WIPI2: variants seen among roughly 807,000 people sequenced by gnomAD.
WIPI2 encodes the protein WD repeat domain, phosphoinositide interacting 2.
In WIPI2, 28 loss-of-function variants were observed where a neutral mutation model predicts 52.3. The observed-to-expected ratio is 0.54, with a 90% CI of 0.40 to 0.73. The LOEUF is 0.73. Ranked by LOEUF, WIPI2 falls within the 30% of genes least tolerant of loss-of-function variation. The pLI, the probability that WIPI2 is intolerant of heterozygous loss-of-function variation, is 0.00. For synonymous variants in WIPI2, 268 were observed against 245.0 expected (o/e 1.09, Z -0.88); for missense variants, 506 against 602.9 (o/e 0.84, Z 1.68).
chr7:5,225,994 G>T, intron 9 of WIPI2, 64 bp downstream of exon 9: 1 of 1,494,858 alleles, frequency 6.7e-7, no homozygotes. Context: ...CTTGCTGCCG[G>T]GATGAGAGGT....
At chr7:5,194,601 A>G (rs1183833878) in intron 2 of WIPI2, among the ~76,000 whole-genome samples, 1 of 152,186 alleles carries the variant, frequency 6.6e-6, no homozygotes, top group Non-Finnish European at 1.5e-5. Context: ...TTAATCAGTA[A>G]AATGTCAAAA....
At chr7:5,208,013 A>G (rs1782375347) in intron 3 of WIPI2, among the ~76,000 whole-genome samples, 2 of 152,122 alleles carry the variant, frequency 1.3e-5, no homozygotes, top group Non-Finnish European at 2.9e-5. Context: ...CGATCCGGCC[A>G]TCTCGACCTC....
Position 5,222,658 on chromosome 7 carries a change from G to A in WIPI2, c.726G>A (p.Arg242=), listed in dbSNP as rs1562404543. ...IPEGQKLFEF[R]RGVKRCVSIC... ...AAGGACAAAAACTCTTTGAGTTTCG[G>A]AGAGGAGTAAAGAGGTAAAGTACGT... The change falls in exon 8 of 13, where the codon CGG becomes CGA. Residue 242 remains arginine, a synonymous_variant. Transcript: ENST00000288828. 2 of 1,614,046 alleles carry A rather than the reference G, an allele frequency of 1.2e-6. No homozygotes were observed. Among genetic ancestry groups the A allele is most frequent in the Non-Finnish European group, 1.7e-6 (2 of 1,179,942 alleles).
chr7:5,203,777 G>A (rs1009032904), intron 3 of WIPI2, among the ~76,000 whole-genome samples: 11 of 147,164 alleles, frequency 7.5e-5, no homozygotes, highest in Non-Finnish European at 1.1e-4. Flanking sequence ...CACCATGCCC[G>A]GCTGATTTTT....
At chr7:5,201,170 GC>G (rs1782010781) in intron 3 of WIPI2, among the ~76,000 whole-genome samples, 1 of 152,210 alleles carries the variant, frequency 6.6e-6, no homozygotes, top group African/African-American at 2.4e-5. Context: ...GTGGAGGGCA[GC>G]CCCGTCTCCA....
At chr7:5,225,070 C>T (rs1347734063) in intron 8 of WIPI2, among the ~76,000 whole-genome samples, 1 of 151,548 alleles carries the variant, frequency 6.6e-6, no homozygotes, top group African/African-American at 2.4e-5. Flanking sequence ...AATTTAGTGG[C>T]TTTGGGATGC....
chr7:5,199,767 C>T, intron 3 of WIPI2, 109 bp downstream of exon 3: 1 of 1,065,804 alleles, frequency 9.4e-7, no homozygotes, highest in Non-Finnish European at 1.3e-6. Flanking sequence ...CAGACACCCT[C>T]TTACCAGTCC....
chr7:5,216,987 T>G, intron 5 of WIPI2, 103 bp from the exon 6 acceptor site: 2 of 1,196,974 alleles, frequency 1.7e-6, no homozygotes. Flanking sequence ...AAGCTATTAT[T>G]TGTTCCTAAT....
At position 5,230,978 on chromosome 7, in the gene WIPI2, A is replaced by G. The variant is rs1783701259; in HGVS notation, c.*31A>G. On this transcript the variant is annotated 3_prime_UTR_variant, in exon 13 of 13. Coordinates refer to ENST00000288828, the MANE Select transcript of WIPI2 (RefSeq NM_015610.4). The surrounding 1 kb of genome is among the most constrained non-coding windows in gnomAD (Gnocchi z 4.8). ...ACCTGTGACCTCTGACCCGGGGAGC[A>G]GAGAACACTGGCTTCACAGAGGACT... 3.2e-6 allele frequency: 5 copies of G among 1,584,416 alleles called. No homozygotes were observed. Among genetic ancestry groups the G allele is most frequent in the South Asian group, 2.3e-5 (2 of 88,040 alleles).
At chr7:5,214,905 C>G (rs1473665842) in intron 4 of WIPI2, among the ~76,000 whole-genome samples, 3 of 152,246 alleles carry the variant, frequency 2.0e-5, no homozygotes, top group African/African-American at 7.2e-5. Flanking sequence ...ACGACAAATG[C>G]CCGGGCCTCT....
At chr7:5,196,664 A>G (rs934078527) in intron 2 of WIPI2, among the ~76,000 whole-genome samples, 2 of 152,138 alleles carry the variant, frequency 1.3e-5, no homozygotes, top group African/African-American at 4.8e-5. Flanking sequence ...AGCCCCCTCG[A>G]AGCTCATTTT....
chr7:5,215,502 C>A (rs926437056), intron 4 of WIPI2, among the ~76,000 whole-genome samples: 13 of 152,240 alleles, frequency 8.5e-5, no homozygotes, highest in Non-Finnish European at 1.5e-4. Context: ...TGCTCACGCC[C>A]AGGGTAACAG....
intron 11 of WIPI2, 143 bp from the exon 12 acceptor site, chr7:5,229,465 A>G: frequency 1.0e-6 from 1 of 963,600 alleles, no homozygotes; most frequent in Non-Finnish European, 1.5e-6. Context: ...AGACGAGATT[A>G]AAGTTGCCAC....
At chr7:5,196,687 A>G (rs1368757394) in intron 2 of WIPI2, among the ~76,000 whole-genome samples, 1 of 152,170 alleles carries the variant, frequency 6.6e-6, no homozygotes, top group Non-Finnish European at 1.5e-5. Flanking sequence ...ACATAATGCT[A>G]ATAAGCTTGG....
chr7:5,216,568 G>C lies in WIPI2; in HGVS notation c.387G>C (p.Leu129=). 1 of 1,614,178 alleles carries C rather than the reference G, an allele frequency of 6.2e-7. No homozygotes were observed. Among genetic ancestry groups the C allele is most frequent in the Non-Finnish European group, 8.5e-7 (1 of 1,180,004 alleles). The change falls in exon 5 of 13, where the codon CTG becomes CTC. Residue 129 remains leucine, a synonymous_variant. Coordinates refer to ENST00000288828, the MANE Select transcript of WIPI2 (RefSeq NM_015610.4). ...ILAVKLNRQR[L]IVCLEESLYI... is the part of the protein sequence containing the mutation. The stretch of plus-strand genomic sequence containing the variant: ...TCGTTTTGTCTCTCGCCTAGAGGCT[G>C]ATAGTATGCCTGGAGGAGTCCCTGT...
intron 7 of WIPI2, 121 bp from the exon 8 acceptor site, chr7:5,222,481 G>A: frequency 9.7e-7 from 1 of 1,031,048 alleles, no homozygotes; most frequent in East Asian, 2.4e-5. Flanking sequence ...AGACTCCTTG[G>A]TGGCCCAGGG....
Position 5,227,421 on chromosome 7 carries a change from C to T in WIPI2, c.1013+77C>T. On this transcript the variant is annotated intron_variant, in intron 10 of 12. Coordinates refer to ENST00000288828, the MANE Select transcript of WIPI2 (RefSeq NM_015610.4). The surrounding 1 kb of genome is among the most constrained non-coding windows in gnomAD (Gnocchi z 8.1). ...GGCCCAGTCCTGGCGGCTTGTGGCC[C>T]CTTCCGTGCTTCTGAACAGGAGCAG... 6.5e-7 allele frequency: 1 copy of T among 1,549,340 alleles called. No homozygotes were observed. Among genetic ancestry groups the T allele is most frequent in the South Asian group, 1.2e-5 (1 of 84,554 alleles).
chr7:5,228,339 C>G (rs1783546705), intron 11 of WIPI2, 128 bp downstream of exon 11: 1 of 865,742 alleles, frequency 1.2e-6, no homozygotes, highest in African/African-American at 1.7e-5. Flanking sequence ...GCACAGCGGC[C>G]CATGCCGCGC....
intron 3 of WIPI2, chr7:5,214,262 T>A: frequency 7.1e-7 from 1 of 1,403,002 alleles, no homozygotes; most frequent in Non-Finnish European, 9.3e-7. Flanking sequence ...ACCATTCAAA[T>A]CCAGCAACAG....
Sources: gnomAD v4.1 joint callset for allele counts (sites outside exome capture counted in the v4.1 genomes callset) on GRCh38, gnomAD v4.1.1 for gene constraint, Gnocchi (gnomAD v3.1) non-coding constraint, MANE v1.5 for transcripts, NCBI Gene and HGNC (gene_info 2026-07-23, HGNC 2026-07-21) for gene names.